Variants in LUZP2 observed in about 807,000 individuals in gnomAD.
The protein encoded by LUZP2 is leucine zipper protein 2.
A neutral mutation model predicts 51.6 loss-of-function variants in LUZP2; 52 were observed. That is an observed-to-expected ratio of 1.01 (90% CI 0.81 to 1.27). LUZP2 has a LOEUF of 1.27. LUZP2 is among the 50% of genes most tolerant of loss of function. The pLI is 0.00. For synonymous variants in LUZP2, 154 were observed against 137.3 expected (o/e 1.12, Z -0.85); for missense variants, 436 against 395.4 (o/e 1.10, Z -0.87).
intron 9 of LUZP2, among the ~76,000 whole-genome samples, chr11:25,014,200 C>T (rs1218012562): frequency 1.3e-5 from 2 of 152,172 alleles, no homozygotes; most frequent in African/African-American, 4.8e-5. Flanking sequence ...AATAGTGCCA[C>T]AATAAACATA....
intron 1 of LUZP2, among the ~76,000 whole-genome samples, chr11:24,588,329 G>A (rs1853143058): frequency 2.0e-5 from 3 of 152,024 alleles, no homozygotes; most frequent in Non-Finnish European, 4.4e-5. Flanking sequence ...TCTCGCCATG[G>A]GCAATGACAG....
At chr11:24,914,661 A>G (rs1853741718) in intron 7 of LUZP2, 123 bp downstream of exon 7, 1 of 653,936 alleles carries the variant, frequency 1.5e-6, no homozygotes, top group Non-Finnish European at 2.6e-6. Context: ...ATTTGACTGC[A>G]TTAGAAATAC....
intron 1 of LUZP2, among the ~76,000 whole-genome samples, chr11:24,545,373 T>C (rs7928783): frequency 1 from 151,271 of 151,982 alleles, 75,282 homozygotes; most frequent in East Asian, 1. Context: ...AATGGTATTG[T>C]CTAGGTTGTC....
intron 6 of LUZP2, among the ~76,000 whole-genome samples, chr11:24,909,588 G>T (rs1853563362): frequency 6.6e-6 from 1 of 152,076 alleles, no homozygotes; most frequent in South Asian, 2.1e-4. Context: ...AAAGCAGGGA[G>T]AAAATGCCAA....
At chr11:24,822,269 T>C (rs1850384304) in intron 5 of LUZP2, among the ~76,000 whole-genome samples, 1 of 152,160 alleles carries the variant, frequency 6.6e-6, no homozygotes, top group Admixed American at 6.5e-5. Flanking sequence ...TGACTGTCAT[T>C]TTCTCTTCCA....
At chr11:25,060,696 A>G (rs187426206) in intron 10 of LUZP2, among the ~76,000 whole-genome samples, 1 of 152,292 alleles carries the variant, frequency 6.6e-6, no homozygotes, top group African/African-American at 2.4e-5. Flanking sequence ...TCTGTGATTA[A>G]GTTTTCAACA....
intron 4 of LUZP2, among the ~76,000 whole-genome samples, chr11:24,755,061 C>T (rs547145691): frequency 6.6e-6 from 1 of 151,976 alleles, no homozygotes; most frequent in South Asian, 2.1e-4. Context: ...AGAAGAATCA[C>T]TTGAACCTGG....
At chr11:24,703,215 CTGTATCAGTTAATAAGCTTGTAG>C (rs1329448174) in intron 1 of LUZP2, among the ~76,000 whole-genome samples, 2 of 152,166 alleles carry the variant, frequency 1.3e-5, no homozygotes, top group Admixed American at 1.3e-4. Flanking sequence ...CTACTGACCT[CTGTATCAGTTAATAAGCTTGTAG>C]TGTATCCAAT....
In LUZP2 at chr11:24,700,180, G is replaced by T. The variant is rs531967778; in HGVS notation, c.63-28989G>T. 4.7e-5 allele frequency among the ~76,000 whole-genome samples: 7 copies of T among 148,934 alleles called. No homozygotes were observed. The Admixed American group carries it at 4.8e-4, about 10-fold the overall frequency. The stretch of plus-strand genomic sequence containing the variant: ...AGATTCAAGCAAGTCTCTTGCCTCA[G>T]CCTCCCCAGTAGCTGGGATTACAGG... On this transcript the variant is annotated intron_variant, in intron 1 of 11. Coordinates refer to ENST00000336930, the MANE Select transcript of LUZP2 (RefSeq NM_001009909.4).
chr11:24,969,820 A>G (rs894315176), intron 7 of LUZP2, among the ~76,000 whole-genome samples: 8 of 152,168 alleles, frequency 5.3e-5, no homozygotes, highest in East Asian at 1.9e-4. Context: ...TGGATGAGAA[A>G]GAGTGGAGTT....
chr11:24,800,295 C>T (rs1461187301), intron 5 of LUZP2, among the ~76,000 whole-genome samples: 1 of 152,100 alleles, frequency 6.6e-6, no homozygotes, highest in Admixed American at 6.6e-5. Context: ...CCGTGGCCCC[C>T]TCCTCCTGCC....
chr11:24,631,674 T>G (rs531689732), intron 1 of LUZP2, among the ~76,000 whole-genome samples: 1 of 152,044 alleles, frequency 6.6e-6, no homozygotes, highest in African/African-American at 2.4e-5. Flanking sequence ...TGTGTGTCCT[T>G]GTCTGGTTGG....
chr11:24,826,755 T>C (rs1486724), intron 5 of LUZP2, among the ~76,000 whole-genome samples: 113,115 of 151,986 alleles, frequency 0.74, 42,987 homozygotes, highest in Middle Eastern at 0.85. Context: ...AATTGAACAG[T>C]AAAATCATTC....
At chr11:25,059,062 A>T (rs1189792619) in intron 10 of LUZP2, among the ~76,000 whole-genome samples, 2 of 152,168 alleles carry the variant, frequency 1.3e-5, no homozygotes, top group Non-Finnish European at 2.9e-5. Context: ...TTATTTAAAT[A>T]TGCAGAATGA....
chr11:24,550,954 AACAC>A (rs912795770), intron 1 of LUZP2, among the ~76,000 whole-genome samples: 2 of 150,304 alleles, frequency 1.3e-5, no homozygotes, highest in African/African-American at 5.0e-5. Flanking sequence ...AAAACAAACA[AACAC>A]ACACACAAAA....
intron 1 of LUZP2, among the ~76,000 whole-genome samples, chr11:24,708,583 C>T (rs147155802): frequency 3.3e-5 from 5 of 152,202 alleles, no homozygotes; most frequent in African/African-American, 4.8e-5. Context: ...AGGTAAAACA[C>T]GCTCTCACAG....
chr11:24,960,213 T>C (rs1412603156), intron 7 of LUZP2, among the ~76,000 whole-genome samples: 2 of 152,168 alleles, frequency 1.3e-5, no homozygotes, highest in Non-Finnish European at 2.9e-5. Flanking sequence ...AAAATTCTCT[T>C]TTTTTGTTGT....
chr11:24,862,844 A>G (rs775493499), intron 5 of LUZP2, among the ~76,000 whole-genome samples: 2 of 152,236 alleles, frequency 1.3e-5, no homozygotes, highest in Non-Finnish European at 2.9e-5. Flanking sequence ...ATATATAAAG[A>G]AATCTTCCAA....
At chr11:25,004,789 C>T (rs374556843) in intron 9 of LUZP2, among the ~76,000 whole-genome samples, 18 of 152,140 alleles carry the variant, frequency 1.2e-4, no homozygotes, top group African/African-American at 4.3e-4. Context: ...GAGTTGAGGT[C>T]CCAGTGGGGA....
Sources: gnomAD v4.1 joint callset for allele counts (sites outside exome capture counted in the v4.1 genomes callset) on GRCh38, gnomAD v4.1.1 for gene constraint, MANE v1.5 for transcripts, NCBI Gene and HGNC (gene_info 2026-07-23, HGNC 2026-07-21) for gene names.